Variants in RPTOR observed in about 807,000 individuals in gnomAD.
RPTOR encodes the protein regulatory associated protein of MTOR complex 1.
Under a neutral mutation model 169.9 loss-of-function variants are expected in RPTOR, and 21 were observed. That is an observed-to-expected ratio of 0.12 (90% CI 0.09 to 0.18). The LOEUF (loss-of-function observed/expected upper bound fraction) is 0.18. Ranked by LOEUF, RPTOR falls within the 10% of genes least tolerant of loss-of-function variation. RPTOR has a pLI of 1.00. For missense variants in RPTOR, 1,133 were observed against 1,855.9 expected, an observed-to-expected ratio of 0.61 and a Z score of 7.16; for synonymous variants, 732 against 753.2, an observed-to-expected ratio of 0.97 and a Z score of 0.46.
Position 80,812,979 on chromosome 17 carries a change from A to G in RPTOR, c.891-9222A>G, listed in dbSNP as rs1012366261. On this transcript the variant is annotated intron_variant, in intron 7 of 33. Transcript: ENST00000306801. Reference sequence around the variant, plus strand: ...GCCTTCCATGTCCAGCTGGGACTCTATGTGGCTCTCTTGTTCCCGTTCCTG... The same window carrying G: ...GCCTTCCATGTCCAGCTGGGACTCTGTGTGGCTCTCTTGTTCCCGTTCCTG... Among the ~76,000 whole-genome samples, 28 of 152,120 alleles carry G rather than the reference A, an allele frequency of 1.8e-4. No homozygotes were observed. In the East Asian group the frequency reaches 5.0e-3, roughly 27 times the overall value.
intron 13 of RPTOR, 44 bp from the exon 14 acceptor site, chr17:80,880,371 G>A (rs1300298356): frequency 5.2e-6 from 8 of 1,543,108 alleles, no homozygotes; most frequent in South Asian, 2.2e-5. Flanking sequence ...TGGCATCTGC[G>A]GGACACTGCA....
At chr17:80,645,735 G>T (rs187376157) in intron 3 of RPTOR, among the ~76,000 whole-genome samples, 50 of 152,174 alleles carry the variant, frequency 3.3e-4, no homozygotes, top group Non-Finnish European at 5.7e-4. Context: ...TTGAGAAGCG[G>T]CATCATGATG....
chr17:80,612,742 C>T (rs112329494), intron 1 of RPTOR, among the ~76,000 whole-genome samples: 8,282 of 152,270 alleles, frequency 0.054, 291 homozygotes, highest in Non-Finnish European at 0.082. Context: ...GTGGCACCCA[C>T]TTGTGGTCCT....
chr17:80,641,691 C>T (rs547617351), intron 2 of RPTOR, among the ~76,000 whole-genome samples: 43 of 152,270 alleles, frequency 2.8e-4, no homozygotes, highest in African/African-American at 9.9e-4. Context: ...AACATACACA[C>T]TTTATTTTAA....
chr17:80,680,864 G>A (rs563999515), intron 3 of RPTOR, among the ~76,000 whole-genome samples: 5 of 152,284 alleles, frequency 3.3e-5, no homozygotes, highest in East Asian at 3.9e-4. Context: ...TGCTGGGCTC[G>A]TCTGTGAACA....
intron 5 of RPTOR, among the ~76,000 whole-genome samples, chr17:80,733,548 G>A (rs889083125): frequency 2.0e-5 from 3 of 152,182 alleles, no homozygotes; most frequent in Admixed American, 2.0e-4. Flanking sequence ...ATGACATGCT[G>A]AGACCACTGC....
At chr17:80,852,237 T>G (rs1828635097) in intron 11 of RPTOR, among the ~76,000 whole-genome samples, 1 of 152,174 alleles carries the variant, frequency 6.6e-6, no homozygotes, top group South Asian at 2.1e-4. Context: ...TACTGTTGTC[T>G]CCGTTTTTCT....
chr17:80,761,705 T>C (rs2066738127), intron 6 of RPTOR, among the ~76,000 whole-genome samples: 1 of 152,258 alleles, frequency 6.6e-6, no homozygotes, highest in Admixed American at 6.5e-5. Context: ...CCAAGGAGTC[T>C]TCTAAAATAC....
intron 1 of RPTOR, among the ~76,000 whole-genome samples, chr17:80,551,903 A>G (rs1008924814): frequency 2.0e-5 from 3 of 152,198 alleles, no homozygotes; most frequent in Non-Finnish European, 4.4e-5. Flanking sequence ...GTCCCTGGGT[A>G]CTTGAGATTA....
rs1287132306 is a variant in RPTOR at position 80,857,838 on chromosome 17, T to C, written c.1447T>C (p.Ser483Pro). The C allele has an allele frequency of 6.2e-7, 1 of 1,612,994 alleles. No individual in the cohort carries two copies. The highest frequency in any genetic ancestry group is 1.3e-5 in the African/African-American group (1 of 75,020). Residue 483 changes from serine (S) to proline (P), a missense_variant, in exon 13 of 34, where the codon TCG becomes CCG. Transcript: ENST00000306801. ...FPYVLKLLQS[S>P]ARELRPLLVF... Reference sequence around the variant, plus strand: ...CTACGTGCTGAAGCTGCTCCAGAGCTCGGCCCGAGAGCTGCGGCCACTTCT... The same window carrying C: ...CTACGTGCTGAAGCTGCTCCAGAGCCCGGCCCGAGAGCTGCGGCCACTTCT...
At chr17:80,585,756 G>T (rs1366672336) in intron 1 of RPTOR, among the ~76,000 whole-genome samples, 1 of 152,208 alleles carries the variant, frequency 6.6e-6, no homozygotes, top group African/African-American at 2.4e-5. Flanking sequence ...TGTGTAATAT[G>T]AAGAGGAGCC....
rs369817832 is a variant in RPTOR at position 80,844,778 on chromosome 17, C to G, written c.1213-1695C>G. The stretch of plus-strand genomic sequence containing the variant: ...CGGAGGCACCCTGTCCTGCTCCTGG[C>G]GTTCGCCTGTCCACATGTGTCCACA... On this transcript the variant is annotated intron_variant, in intron 10 of 33. Transcript: ENST00000306801. The surrounding 1 kb of genome is among the most constrained non-coding windows in gnomAD (Gnocchi z 4.7). Among the ~76,000 whole-genome samples, 1 of 152,194 alleles carries G rather than the reference C, an allele frequency of 6.6e-6. No homozygotes were observed. The highest frequency in any genetic ancestry group is 2.4e-5 in the African/African-American group (1 of 41,454).
chr17:80,565,024 T>C (rs1312730239), intron 1 of RPTOR, among the ~76,000 whole-genome samples: 3 of 152,236 alleles, frequency 2.0e-5, no homozygotes, highest in African/African-American at 7.2e-5. Flanking sequence ...TGATCTGTCA[T>C]TGATGGACAT....
intron 10 of RPTOR, among the ~76,000 whole-genome samples, chr17:80,841,846 A>T (rs78040196): frequency 1.4e-4 from 11 of 76,452 alleles, no homozygotes; most frequent in Non-Finnish European, 1.8e-4. Flanking sequence ...GGCAGCTCAC[A>T]CTCACCGCAC....
chr17:80,916,709 A>G (rs1243217440), intron 21 of RPTOR, among the ~76,000 whole-genome samples: 1 of 152,250 alleles, frequency 6.6e-6, no homozygotes, highest in Non-Finnish European at 1.5e-5. Flanking sequence ...GATAAAGTAA[A>G]TAAACATTGG....
chr17:80,693,360 C>T (rs4889783), intron 3 of RPTOR, among the ~76,000 whole-genome samples: 26,788 of 152,232 alleles, frequency 0.18, 3,772 homozygotes, highest in African/African-American at 0.39. Context: ...TGGTGTTTCT[C>T]GGGTTCATTG....
intron 4 of RPTOR, among the ~76,000 whole-genome samples, chr17:80,724,145 A>G (rs1567876024): frequency 6.6e-6 from 1 of 151,322 alleles, no homozygotes; most frequent in South Asian, 2.1e-4. Context: ...TGGCAAGCCC[A>G]AGCACTCTTC....
rs2067912712 is a variant in RPTOR at position 80,861,090 on chromosome 17, T to C, written c.1509+3190T>C. ...TCCCTGCTACCCATTAAACTACAGATAAAGAATGACTGCTTTGAAAGATTG... is the reference window on the plus strand; with the variant it reads ...TCCCTGCTACCCATTAAACTACAGACAAAGAATGACTGCTTTGAAAGATTG... On this transcript the variant is annotated intron_variant, in intron 13 of 33. Transcript: ENST00000306801. The surrounding 1 kb of genome is among the most constrained non-coding windows in gnomAD (Gnocchi z 4.5). Among the ~76,000 whole-genome samples the C allele has an allele frequency of 6.9e-6, 1 of 145,168 alleles. No individual in the cohort carries two copies. The highest frequency in any genetic ancestry group is 1.6e-5 in the Non-Finnish European group (1 of 64,162).
At chr17:80,643,840 C>T (rs113816729) in intron 3 of RPTOR, 30 bp downstream of exon 3, 11 of 1,538,588 alleles carry the variant, frequency 7.1e-6, no homozygotes, top group Middle Eastern at 1.7e-4. Context: ...TCTTCCCTTT[C>T]CTTCTTACAG....
Sources: gnomAD v4.1 joint callset for allele counts (sites outside exome capture counted in the v4.1 genomes callset) on GRCh38, gnomAD v4.1.1 for gene constraint, Gnocchi (gnomAD v3.1) non-coding constraint, MANE v1.5 for transcripts, NCBI Gene and HGNC (gene_info 2026-07-23, HGNC 2026-07-21) for gene names.